Variants in DNAJB1 observed in about 807,000 individuals in gnomAD.
The protein encoded by DNAJB1 is DnaJ heat shock protein family (Hsp40) member B1.
In DNAJB1, 14 loss-of-function variants were observed where a neutral mutation model predicts 24.0. The observed-to-expected ratio is 0.58, with a 90% confidence interval of 0.39 to 0.91. The LOEUF (loss-of-function observed/expected upper bound fraction) is 0.91, where lower values mean the gene tolerates loss of function less well. Among genes scored for constraint, DNAJB1 ranks in the 40% least tolerant of loss-of-function variants. DNAJB1 has a pLI of 0.00. For synonymous variants in DNAJB1, 262 were observed against 174.4 expected (o/e 1.50, Z -3.96); for missense variants, 517 against 458.1 (o/e 1.13, Z -1.17).
chr19:14,549,455 T>C lies in DNAJB1; in HGVS notation c.-214+753A>G, dbSNP rs910735556. The stretch of plus-strand genomic sequence containing the variant: ...CTTGAACTCCTAGTCTTGAAGACCT[T>C]GTGATCTGCCCTCCTTGGCCCCCTA... On this transcript the variant is annotated intron_variant, in intron 1 of 3. Transcript: ENST00000676982. Among the ~76,000 whole-genome samples the C allele has an allele frequency of 1.4e-4, 21 of 152,100 alleles. 1 individual carries two copies. The highest frequency in any genetic ancestry group is 1.2e-3 in the Admixed American group (18 of 15,286).
In DNAJB1 at chr19:14,543,419, ATTTTTTTTTTTTTTTTTTTTTT is replaced by A. The variant is rs1169742953; in HGVS notation, c.-214+6767_-214+6788del. ...TATATATATATATATATATATATAT[ATTTTTTTTTTTTTTTTTTTTTT>A]TTTTTTTTTTTTTTTGAGACGGAGT... On this transcript the variant is annotated intron_variant, in intron 1 of 3. Transcript: ENST00000676982. Among the ~76,000 whole-genome samples the A allele has an allele frequency of 5.0e-3, 110 of 21,846 alleles. 1 individual carries two copies. The highest frequency in any genetic ancestry group is 0.014 in the Admixed American group (17 of 1,228). 14.3% of individuals were successfully genotyped at this position (21,846 alleles called of 152,430 possible). A position where few individuals can be genotyped will look rare whatever the true frequency, so the allele number is the denominator to read the frequency against.
upstream of DNAJB1, among the ~76,000 whole-genome samples, chr19:14,552,231 CAAT>C (rs2076663612): frequency 6.9e-6 from 1 of 145,758 alleles, no homozygotes; most frequent in South Asian, 2.2e-4. Flanking sequence ...TGCAGTGGTG[CAAT>C]GATAGGTCAC....
intron 1 of DNAJB1, chr19:14,517,603 C>A (rs2072294267): frequency 6.5e-6 from 1 of 154,718 alleles, no homozygotes; most frequent in Admixed American, 6.5e-5. Flanking sequence ...TCCGAGGCGG[C>A]CCCGCTCTCC....
chr19:14,516,235 G>A lies in DNAJB1; in HGVS notation c.793-65C>T, dbSNP rs966957120. 3.1e-5 allele frequency: 48 copies of A among 1,572,398 alleles called. No individual in the cohort carries two copies. In the Admixed American group the frequency reaches 3.6e-4, roughly 12 times the overall value. On this transcript the variant is annotated intron_variant, in intron 2 of 2. Coordinates refer to ENST00000254322, the MANE Select transcript of DNAJB1 (RefSeq NM_006145.3). ...CAAGAGGCTCAGCTCTTGCCCAGAG[G>A]CCGTCTGCCATAGATAAGACCCATC...
chr19:14,554,398 G>A (rs1242718537), upstream of DNAJB1, among the ~76,000 whole-genome samples: 2 of 152,184 alleles, frequency 1.3e-5, no homozygotes, highest in South Asian at 2.1e-4. Flanking sequence ...GCTCTGGCCC[G>A]GGTCTGCCCC....
At chr19:14,543,733 C>T (rs1301521597) in intron 1 of DNAJB1, among the ~76,000 whole-genome samples, 2 of 147,122 alleles carry the variant, frequency 1.4e-5, no homozygotes, top group Non-Finnish European at 3.0e-5. Flanking sequence ...CCACCGCGCC[C>T]GGCTATATAT....
chr19:14,557,886 G>A (rs2073785998), intron 1 of DNAJB1, among the ~76,000 whole-genome samples: 1 of 152,070 alleles, frequency 6.6e-6, no homozygotes, highest in African/African-American at 2.4e-5. Flanking sequence ...CTCCCGAGTA[G>A]CTGGGACTAC....
At chr19:14,541,046 G>A (rs1248331760) in intron 1 of DNAJB1, among the ~76,000 whole-genome samples, 1 of 152,106 alleles carries the variant, frequency 6.6e-6, no homozygotes, top group Admixed American at 6.6e-5. Context: ...GGCTGATCTC[G>A]AACTCCTGAG....
rs539817680 is a variant in DNAJB1, at chr19:14,515,477, G to A, written c.*463C>T. The A allele has an allele frequency of 6.4e-6, 1 of 156,986 alleles. No homozygotes were observed. The highest frequency in any genetic ancestry group is 2.4e-5 in the African/African-American group (1 of 41,636). 9.7% of individuals were successfully genotyped at this position (156,986 alleles called of 1,614,324 possible). A position where few individuals can be genotyped will look rare whatever the true frequency, so the allele number is the denominator to read the frequency against. On this transcript the variant is annotated 3_prime_UTR_variant, in exon 3 of 3. Transcript: ENST00000254322. Reference sequence around the variant, plus strand: ...GAAGACAGAATTCTCCAGGAGAAGAGCAAGACATGGGAGACAAATACAGAA... The same window carrying A: ...GAAGACAGAATTCTCCAGGAGAAGAACAAGACATGGGAGACAAATACAGAA...
Position 14,546,208 on chromosome 19 carries a change from T to G in DNAJB1, c.-214+4000A>C, listed in dbSNP as rs75585184. On this transcript the variant is annotated intron_variant, in intron 1 of 3. Coordinates refer to the DNAJB1 transcript ENST00000676982. ...CAGCTGGGAAATCATTACAGACATT[T>G]CCGATCATAGATCACACTGAAAGTT... Among the ~76,000 whole-genome samples, 1,361 of 152,038 alleles carry G rather than the reference T, an allele frequency of 9.0e-3. 20 individuals carry two copies. The highest frequency in any genetic ancestry group is 0.031 in the African/African-American group (1,303 of 41,490).
chr19:14,556,009 G>A (rs2073708236), intron 1 of DNAJB1, among the ~76,000 whole-genome samples: 1 of 152,154 alleles, frequency 6.6e-6, no homozygotes, highest in Non-Finnish European at 1.5e-5. Flanking sequence ...CCTGAGCCAA[G>A]TCTCATCCCT....
chr19:14,516,519 A>G lies in DNAJB1; in HGVS notation c.739T>C (p.Phe247Leu), dbSNP rs1292355169. ...ATGACATCAGAGCCATCTCTCTTAAAGATATTGTGGGGCTTGTCCTTTAAA... is the reference window on the plus strand; with the variant it reads ...ATGACATCAGAGCCATCTCTCTTAAGGATATTGTGGGGCTTGTCCTTTAAA... ...FVLKDKPHNI[F>L]KRDGSDVIYP... The change falls in exon 2 of 3, where the codon TTT becomes CTT. Residue 247 changes from phenylalanine (F) to leucine (L), a missense_variant. By Grantham distance (22) the Phe-to-Leu change is conservative. Coordinates refer to ENST00000254322, the MANE Select transcript of DNAJB1 (RefSeq NM_006145.3). The G allele has an allele frequency of 1.2e-6, 2 of 1,614,200 alleles. No individual in the cohort carries two copies. The highest frequency in any genetic ancestry group is 1.7e-6 in the Non-Finnish European group (2 of 1,180,046).
At chr19:14,550,351 T>C (rs2073454420), upstream of DNAJB1, among the ~76,000 whole-genome samples, 1 of 152,156 alleles carries the variant, frequency 6.6e-6, no homozygotes. Flanking sequence ...TCTAGGCTCT[T>C]TGGCAAGCTG....
chr19:14,548,374 C>T (rs541144651), intron 1 of DNAJB1, among the ~76,000 whole-genome samples: 1 of 152,094 alleles, frequency 6.6e-6, no homozygotes, highest in African/African-American at 2.4e-5. Flanking sequence ...TACCCAGGCC[C>T]TAAGCTGTTT....
At chr19:14,529,622 C>G, upstream of DNAJB1, 1 of 1,610,492 alleles carries the variant, frequency 6.2e-7, no homozygotes. Flanking sequence ...GTTGCGAGCG[C>G]TGTAGGGAGC....
chr19:14,516,589 T>G lies in DNAJB1; in HGVS notation c.669A>C (p.Glu223Asp). ...GAATGTTGTTGGAGGTCTGGTCTCC[T>G]TCCTTGGGGAAAGTGATTTTGGTTC... ...KEGTKITFPK[E>D]GDQTSNNIPA... Residue 223 changes from glutamate to aspartate, a missense_variant, in exon 2 of 3, where the codon GAA becomes GAC. Physicochemically the swap from Glu to Asp is conservative, Grantham distance 45. Transcript: ENST00000254322. The G allele has an allele frequency of 6.2e-7, 1 of 1,614,208 alleles. No homozygotes were observed. The highest frequency in any genetic ancestry group is 8.5e-7 in the Non-Finnish European group (1 of 1,180,038).
At position 14,517,039 on chromosome 19, in the gene DNAJB1, C is replaced by T. The variant is rs755727193; in HGVS notation, c.219G>A (p.Lys73=). 2 of 1,605,606 alleles carry T rather than the reference C, an allele frequency of 1.2e-6. No individual in the cohort carries two copies. The highest frequency in any genetic ancestry group is 1.7e-5 in the Admixed American group (1 of 59,428). The part of the protein sequence containing the change: ...IFDRYGEEGL[K]GSGPSGGSGG... Reference sequence around the variant, plus strand: ...CGCTACCGCCACTGGGGCCACTCCCCTTTAGGCCTGAAAAGCAGATTTAGA... The same window carrying T: ...CGCTACCGCCACTGGGGCCACTCCCTTTTAGGCCTGAAAAGCAGATTTAGA... Residue 73 remains lysine (K), a synonymous_variant, in exon 2 of 3, where the codon AAG becomes AAA. Transcript: ENST00000254322.
chr19:14,556,538 A>C lies in DNAJB1; in HGVS notation c.-2165-2220T>G, dbSNP rs574106271. On this transcript the variant is annotated intron_variant, in intron 1 of 5. Transcript: ENST00000679223. ...CACCCCCTGCTTGCCCAGCACGCAC[A>C]GGCTAGAATTCAGGTCCCATGAACC... 2.6e-5 allele frequency among the ~76,000 whole-genome samples: 4 copies of C among 152,182 alleles called. No individual in the cohort carries two copies. In the East Asian group the frequency reaches 7.7e-4, roughly 29 times the overall value.
At chr19:14,543,607 T>C (rs951305093) in intron 1 of DNAJB1, among the ~76,000 whole-genome samples, 9 of 147,090 alleles carry the variant, frequency 6.1e-5, no homozygotes, top group Non-Finnish European at 7.5e-5. Context: ...CCCGGCTAAT[T>C]TTTTGTATTT....
Sources: gnomAD v4.1 joint callset for allele counts (sites outside exome capture counted in the v4.1 genomes callset) on GRCh38, gnomAD v4.1.1 for gene constraint, MANE v1.5 for transcripts, NCBI Gene and HGNC (gene_info 2026-07-23, HGNC 2026-07-21) for gene names.